ATP6V0E1: variants seen among roughly 807,000 people sequenced by gnomAD.
The protein encoded by ATP6V0E1 is V-type proton ATPase subunit e 1.
In ATP6V0E1, 4 loss-of-function variants were observed where a neutral mutation model predicts 11.6. The observed-to-expected ratio is 0.35, with a 90% CI of 0.17 to 0.79. The LOEUF (loss-of-function observed/expected upper bound fraction) is 0.79, where lower values mean the gene tolerates loss of function less well. ATP6V0E1 is among the 30% of genes least tolerant of loss of function. ATP6V0E1 has a pLI of 0.54. For synonymous variants in ATP6V0E1, 36 were observed against 34.8 expected (o/e 1.04, Z -0.13); for missense variants, 105 against 100.0 (o/e 1.05, Z -0.21).
chr5:173,020,802 C>A, intron 3 of ATP6V0E1: 1 of 519,640 alleles, frequency 1.9e-6, no homozygotes, highest in South Asian at 1.4e-5. Flanking sequence ...AATGTCTTGT[C>A]TTCATCCGGT....
At chr5:172,985,831 A>G (rs944557157) in intron 1 of ATP6V0E1, among the ~76,000 whole-genome samples, 16 of 152,208 alleles carry the variant, frequency 1.1e-4, no homozygotes, top group Admixed American at 5.2e-4. Context: ...CAAAAGGACT[A>G]TGTTTGAGAA....
chr5:173,017,724 C>G (rs1756424167), intron 2 of ATP6V0E1, among the ~76,000 whole-genome samples: 1 of 151,402 alleles, frequency 6.6e-6, no homozygotes, highest in Non-Finnish European at 1.5e-5. Flanking sequence ...GCCTGTAATT[C>G]CAGCTACTCA....
rs553675150 is a variant in ATP6V0E1, at chr5:173,006,650, A to T, written c.152+11828A>T. ...CAAACAAACAAACACTCTACTCTGG[A>T]TGGGCCTTGGGCCTTGTCCACTGTT... is the stretch of plus-strand genomic sequence containing the variant. On this transcript the variant is annotated intron_variant, in intron 2 of 3. Coordinates refer to ENST00000519374, the MANE Select transcript of ATP6V0E1 (RefSeq NM_003945.4). Among the ~76,000 whole-genome samples the T allele has an allele frequency of 9.2e-5, 14 of 152,278 alleles. No individual in the cohort carries two copies. The East Asian group carries it at 2.5e-3, about 27-fold the overall frequency.
chr5:173,027,346 C>CA (rs1233161067), intron 3 of ATP6V0E1, among the ~76,000 whole-genome samples: 2 of 128,616 alleles, frequency 1.6e-5, no homozygotes, highest in East Asian at 4.2e-4. Context: ...AAAAAAAATA[C>CA]AAAAAATGAG....
rs115554813 is a variant in ATP6V0E1, at chr5:173,002,586, G to A, written c.152+7764G>A. Reference sequence around the variant, plus strand: ...ACCAGTCTCCTTCATAAGTGGTGTTGAGTACTTCCAAGAGGGGTACATAAT... The same window carrying A: ...ACCAGTCTCCTTCATAAGTGGTGTTAAGTACTTCCAAGAGGGGTACATAAT... On this transcript the variant is annotated intron_variant, in intron 2 of 3. Transcript: ENST00000519374. 3.6e-3 allele frequency among the ~76,000 whole-genome samples: 546 copies of A among 152,246 alleles called. 3 individuals carry two copies. Among genetic ancestry groups the A allele is most frequent in the African/African-American group, 0.012 (501 of 41,546 alleles).
intron 3 of ATP6V0E1, among the ~76,000 whole-genome samples, chr5:173,026,795 C>T (rs1756566521): frequency 6.6e-6 from 1 of 152,150 alleles, no homozygotes; most frequent in African/African-American, 2.4e-5. Context: ...CTTGAAAATG[C>T]AATCTCTGGT....
At chr5:173,016,348 G>A (rs1000345888) in intron 2 of ATP6V0E1, among the ~76,000 whole-genome samples, 2 of 152,328 alleles carry the variant, frequency 1.3e-5, no homozygotes, top group Non-Finnish European at 2.9e-5. Context: ...CACACATTTG[G>A]CTGTAGAAGT....
chr5:173,005,576 G>A, intron 2 of ATP6V0E1, among the ~76,000 whole-genome samples: 1 of 152,218 alleles, frequency 6.6e-6, no homozygotes, highest in South Asian at 2.1e-4. Flanking sequence ...TTTTAATGAA[G>A]CAGTTAGGAA....
intron 3 of ATP6V0E1, among the ~76,000 whole-genome samples, chr5:173,034,102 G>A (rs748673847): frequency 1.3e-5 from 2 of 152,138 alleles, no homozygotes; most frequent in African/African-American, 2.4e-5. Flanking sequence ...TTGAAACTGC[G>A]GTGAATTCAT....
chr5:172,990,398 C>T (rs932943527), intron 1 of ATP6V0E1, among the ~76,000 whole-genome samples: 40 of 152,148 alleles, frequency 2.6e-4, no homozygotes, highest in Non-Finnish European at 2.9e-5. Flanking sequence ...ACAGTGGCTT[C>T]CTAACCAGTA....
At chr5:173,000,331 C>G (rs1259115715) in intron 2 of ATP6V0E1, among the ~76,000 whole-genome samples, 1 of 152,178 alleles carries the variant, frequency 6.6e-6, no homozygotes, top group Non-Finnish European at 1.5e-5. Context: ...ACTTTTGTCT[C>G]TTAAACATAC....
At chr5:172,984,578 G>A (rs544904882) in intron 1 of ATP6V0E1, among the ~76,000 whole-genome samples, 3 of 152,352 alleles carry the variant, frequency 2.0e-5, no homozygotes, top group Non-Finnish European at 2.9e-5. Flanking sequence ...GCTCTTGTAT[G>A]TGAGTGTAAG....
chr5:172,989,040 A>G (rs1164025930), intron 1 of ATP6V0E1, among the ~76,000 whole-genome samples: 1 of 152,198 alleles, frequency 6.6e-6, no homozygotes, highest in Non-Finnish European at 1.5e-5. Flanking sequence ...GATCAAAAAT[A>G]TCTTCAAAAA....
At chr5:172,986,213 T>G (rs975880503) in intron 1 of ATP6V0E1, among the ~76,000 whole-genome samples, 3 of 152,218 alleles carry the variant, frequency 2.0e-5, no homozygotes, top group Non-Finnish European at 4.4e-5. Flanking sequence ...ATACTTAGGC[T>G]ACATGAAATT....
intron 2 of ATP6V0E1, among the ~76,000 whole-genome samples, chr5:173,008,652 G>T (rs1179133837): frequency 2.1e-5 from 3 of 145,918 alleles, no homozygotes; most frequent in Admixed American, 6.8e-5. Flanking sequence ...GCTCACACCT[G>T]TAATCCCAGC....
chr5:173,019,189 C>G (rs572985278), intron 2 of ATP6V0E1, among the ~76,000 whole-genome samples: 14 of 152,112 alleles, frequency 9.2e-5, no homozygotes, highest in Non-Finnish European at 5.9e-5. Flanking sequence ...CTCCTGGCTT[C>G]GAGTGATCCT....
At chr5:172,984,257 C>G (rs1755848155) in intron 1 of ATP6V0E1, among the ~76,000 whole-genome samples, 1 of 152,194 alleles carries the variant, frequency 6.6e-6, no homozygotes, top group Non-Finnish European at 1.5e-5. Flanking sequence ...CGGAAATGAG[C>G]AGGCCGAATC....
chr5:173,030,439 T>C (rs1756631977), intron 3 of ATP6V0E1, among the ~76,000 whole-genome samples: 1 of 147,474 alleles, frequency 6.8e-6, no homozygotes, highest in Non-Finnish European at 1.5e-5. Flanking sequence ...TGTCAGTTTT[T>C]TGTTTTTTTT....
At chr5:173,009,456 CTTTTTTTTTT>C (rs920585185) in intron 2 of ATP6V0E1, among the ~76,000 whole-genome samples, 1 of 105,210 alleles carries the variant, frequency 9.5e-6, no homozygotes, top group Non-Finnish European at 1.8e-5. Flanking sequence ...AGCCACTTCC[CTTTTTTTTTT>C]TTTTTTTTTT....
Sources: allele counts gnomAD v4.1 joint callset (sites outside exome capture counted in the v4.1 genomes callset), GRCh38; gene constraint gnomAD v4.1.1; transcripts MANE v1.5; gene names NCBI Gene and HGNC (gene_info 2026-07-23, HGNC 2026-07-21).